Variants in C1orf21 observed in about 807,000 individuals in gnomAD.
The protein encoded by C1orf21 is uncharacterized protein C1orf21.
C1orf21 carries 3 observed loss-of-function variants against 18.7 expected under a neutral mutation model. The ratio of observed to expected loss-of-function variants is 0.16; its 90% CI spans 0.07 to 0.42. The LOEUF is 0.42. Ranked by LOEUF, C1orf21 falls within the 10% of genes least tolerant of loss-of-function variation. The probability of loss-of-function intolerance (pLI) is 0.99; values close to 1 mark genes in which losing one functional copy is unlikely to be tolerated. For missense variants in C1orf21, 104 were observed against 143.6 expected (o/e 0.72, Z 1.41); for synonymous variants, 41 against 46.4 (o/e 0.88, Z 0.47).
chr1:184,481,853 A>G (rs1017946218), intron 2 of C1orf21, among the ~76,000 whole-genome samples: 2 of 152,210 alleles, frequency 1.3e-5, no homozygotes, highest in African/African-American at 4.8e-5. Context: ...GAATTACCAG[A>G]ATCCAATGTC....
chr1:184,537,139 T>G (rs976073496), intron 3 of C1orf21, among the ~76,000 whole-genome samples: 3 of 152,160 alleles, frequency 2.0e-5, no homozygotes, highest in African/African-American at 7.2e-5. Context: ...GTGGTAAAAT[T>G]CACATAACAA....
At chr1:184,521,609 T>C (rs1247649102) in intron 3 of C1orf21, among the ~76,000 whole-genome samples, 2 of 152,102 alleles carry the variant, frequency 1.3e-5, no homozygotes, top group East Asian at 3.8e-4. Context: ...AAAAGAAGGG[T>C]GTATAGGTGA....
intron 3 of C1orf21, among the ~76,000 whole-genome samples, chr1:184,537,595 C>CT (rs1214363453): frequency 6.6e-6 from 1 of 152,150 alleles, no homozygotes; most frequent in Non-Finnish European, 1.5e-5. Context: ...GTGAATAATG[C>CT]TGCTTTGAAC....
intron 2 of C1orf21, among the ~76,000 whole-genome samples, chr1:184,506,768 G>C (rs191749957): frequency 6.6e-6 from 1 of 152,244 alleles, no homozygotes; most frequent in Admixed American, 6.5e-5. Context: ...CTGGAGAACT[G>C]AAGCTGCAAG....
At chr1:184,466,737 AT>A (rs562297066) in intron 1 of C1orf21, among the ~76,000 whole-genome samples, 19 of 150,538 alleles carry the variant, frequency 1.3e-4, no homozygotes, top group African/African-American at 2.4e-4. Flanking sequence ...AAAAACCTTG[AT>A]TTTTTTTTTC....
chr1:184,566,721 A>G (rs1659040406), intron 3 of C1orf21: 3 of 382,130 alleles, frequency 7.9e-6, no homozygotes, highest in Admixed American at 3.1e-5. Context: ...GAAGAAACCA[A>G]GCCATCTGGG....
intron 3 of C1orf21, among the ~76,000 whole-genome samples, chr1:184,509,951 G>A (rs986790944): frequency 7.2e-5 from 11 of 152,230 alleles, no homozygotes; most frequent in African/African-American, 2.4e-4. Flanking sequence ...CACCCATCAC[G>A]TGAGGAAAAA....
chr1:184,390,683 C>T (rs996533416), intron 1 of C1orf21, among the ~76,000 whole-genome samples: 4 of 152,102 alleles, frequency 2.6e-5, no homozygotes, highest in South Asian at 2.1e-4. Flanking sequence ...ACACAATGTA[C>T]GTGGTGGGTA....
chr1:184,562,988 G>T (rs1214626781), intron 3 of C1orf21, among the ~76,000 whole-genome samples: 1 of 152,202 alleles, frequency 6.6e-6, no homozygotes, highest in East Asian at 1.9e-4. Flanking sequence ...AGCATAAGTG[G>T]TGCTCTGCTT....
At chr1:184,518,192 T>G (rs1413894534) in intron 3 of C1orf21, among the ~76,000 whole-genome samples, 1 of 152,236 alleles carries the variant, frequency 6.6e-6, no homozygotes, top group African/African-American at 2.4e-5. Context: ...GGAGTAGAGT[T>G]TAATTCTCTA....
intron 1 of C1orf21, among the ~76,000 whole-genome samples, chr1:184,474,035 A>G (rs925810005): frequency 3.1e-4 from 47 of 152,322 alleles, no homozygotes; most frequent in Middle Eastern, 3.4e-3. Context: ...ACATAGTAAA[A>G]AACTTTCTTC....
At chr1:184,500,147 C>A (rs552229763) in intron 2 of C1orf21, among the ~76,000 whole-genome samples, 1 of 152,174 alleles carries the variant, frequency 6.6e-6, no homozygotes, top group Non-Finnish European at 1.5e-5. Flanking sequence ...GTTAAGCCCC[C>A]TCCTGCTATA....
At chr1:184,588,443 A>C (rs1659388986) in intron 3 of C1orf21, among the ~76,000 whole-genome samples, 1 of 152,154 alleles carries the variant, frequency 6.6e-6, no homozygotes, top group Non-Finnish European at 1.5e-5. Context: ...CTTGACCCTA[A>C]AAAGTTTGAG....
In C1orf21 at chr1:184,388,225, T is replaced by G. The variant is rs1014791358; in HGVS notation, c.-125+857T>G. On this transcript the variant is annotated intron_variant, in intron 1 of 5. Transcript: ENST00000235307. ...TAAGGGCTCTCAGCACTCGTTCATT[T>G]CTCTTCTAAAGCTCTGAATGGCTCA... Among the ~76,000 whole-genome samples the G allele has an allele frequency of 1.6e-4, 24 of 152,294 alleles. No homozygotes were observed. In the East Asian group the frequency reaches 4.6e-3, roughly 29 times the overall value.
intron 1 of C1orf21, among the ~76,000 whole-genome samples, chr1:184,397,402 C>G (rs188923298): frequency 1.3e-5 from 2 of 152,054 alleles, no homozygotes; most frequent in African/African-American, 4.8e-5. Flanking sequence ...CTGGCTAACA[C>G]GGTGAAACCC....
At chr1:184,439,874 G>A (rs886316996) in intron 1 of C1orf21, among the ~76,000 whole-genome samples, 2 of 152,198 alleles carry the variant, frequency 1.3e-5, no homozygotes, top group Admixed American at 6.5e-5. Flanking sequence ...GGTATGAAAA[G>A]TGGCATAAAA....
intron 2 of C1orf21, among the ~76,000 whole-genome samples, chr1:184,488,911 G>T (rs1026960063): frequency 1.3e-5 from 2 of 152,150 alleles, no homozygotes; most frequent in African/African-American, 4.8e-5. Flanking sequence ...GTTGCAGTGA[G>T]CCAAGATCAT....
intron 2 of C1orf21, among the ~76,000 whole-genome samples, chr1:184,482,728 G>C (rs759578424): frequency 6.6e-6 from 1 of 152,214 alleles, no homozygotes; most frequent in Non-Finnish European, 1.5e-5. Flanking sequence ...GTGTCTCTGA[G>C]TGTGTGTACA....
chr1:184,496,420 T>G (rs1392528341), intron 2 of C1orf21, among the ~76,000 whole-genome samples: 1 of 152,200 alleles, frequency 6.6e-6, no homozygotes, highest in Non-Finnish European at 1.5e-5. Context: ...TATTTCATTG[T>G]TTATGTGCTG....
Sources: gnomAD v4.1 joint callset for allele counts (sites outside exome capture counted in the v4.1 genomes callset) on GRCh38, gnomAD v4.1.1 for gene constraint, MANE v1.5 for transcripts, NCBI Gene and HGNC (gene_info 2026-07-23, HGNC 2026-07-21) for gene names.